The following FAM13A variants were observed in gnomAD, a reference collection of about 807,000 sequenced individuals.
The protein encoded by FAM13A is family with sequence similarity 13 member A.
Under a neutral mutation model 129.6 loss-of-function variants are expected in FAM13A, and 76 were observed. The observed-to-expected ratio is 0.59, with a 90% confidence interval of 0.49 to 0.71. The LOEUF is 0.71. Ranked by LOEUF, FAM13A falls within the 30% of genes least tolerant of loss-of-function variation. FAM13A has a pLI of 0.00. For missense variants in FAM13A, 1,108 were observed against 1,249.3 expected (o/e 0.89, Z 1.70); for synonymous variants, 443 against 449.9 (o/e 0.98, Z 0.20).
intron 4 of FAM13A, among the ~76,000 whole-genome samples, chr4:88,974,889 G>T (rs1760692062): frequency 6.6e-6 from 1 of 152,072 alleles, no homozygotes; most frequent in South Asian, 2.1e-4. Flanking sequence ...AGCACAGTTA[G>T]CATCTCTATT....
intron 1 of FAM13A, among the ~76,000 whole-genome samples, chr4:89,052,406 C>A (rs1771724854): frequency 6.7e-6 from 1 of 149,482 alleles, no homozygotes. Flanking sequence ...TGTGCTGCAC[C>A]CATTAACTCA....
intron 5 of FAM13A, among the ~76,000 whole-genome samples, chr4:88,918,475 A>G (rs770748246): frequency 2.0e-5 from 3 of 152,230 alleles, no homozygotes; most frequent in Non-Finnish European, 4.4e-5. Flanking sequence ...ATTTGAAGCC[A>G]GGCTATCTGT....
chr4:88,834,261 T>C (rs1053867424), intron 7 of FAM13A, among the ~76,000 whole-genome samples: 1 of 151,546 alleles, frequency 6.6e-6, no homozygotes, highest in Non-Finnish European at 1.5e-5. Context: ...CATCAAATAA[T>C]TGTTTGTATG....
intron 13 of FAM13A, among the ~76,000 whole-genome samples, chr4:88,762,855 T>C (rs1235133974): frequency 2.0e-5 from 3 of 152,194 alleles, no homozygotes; most frequent in Non-Finnish European, 4.4e-5. Context: ...TTTTGTTGTT[T>C]ACATGTCTAA....
At chr4:88,961,340 A>T (rs2148915237) in intron 4 of FAM13A, among the ~76,000 whole-genome samples, 1 of 126,758 alleles carries the variant, frequency 7.9e-6, no homozygotes, top group Admixed American at 8.3e-5. Context: ...AGCTTTGTGG[A>T]ATTTGCCTTT....
At chr4:88,914,352 C>T (rs1749735985) in intron 5 of FAM13A, among the ~76,000 whole-genome samples, 1 of 152,108 alleles carries the variant, frequency 6.6e-6, no homozygotes, top group Non-Finnish European at 1.5e-5. Context: ...AATCCAAATT[C>T]CTTACCATGA....
intron 7 of FAM13A, among the ~76,000 whole-genome samples, chr4:88,816,169 T>C (rs1303559707): frequency 1.3e-5 from 2 of 152,148 alleles, no homozygotes; most frequent in Non-Finnish European, 2.9e-5. Flanking sequence ...AGGAACTTCA[T>C]TTTCCTTAAA....
At chr4:88,750,385 G>A in intron 15 of FAM13A, 39 bp downstream of exon 15, 3 of 1,487,464 alleles carry the variant, frequency 2.0e-6, no homozygotes, top group Non-Finnish European at 2.8e-6. Context: ...ATGTTGTGGG[G>A]ATGATGCATT....
intron 1 of FAM13A, among the ~76,000 whole-genome samples, chr4:89,047,350 A>C (rs927297939): frequency 6.6e-6 from 1 of 152,110 alleles, no homozygotes; most frequent in Non-Finnish European, 1.5e-5. Context: ...TATACTCCAG[A>C]CACGTGTTAC....
intron 5 of FAM13A, among the ~76,000 whole-genome samples, chr4:88,934,735 AAG>A (rs893940397): frequency 2.6e-5 from 4 of 152,330 alleles, no homozygotes; most frequent in African/African-American, 7.2e-5. Context: ...AAACTAATGA[AAG>A]AGAGAAAAGA....
intron 11 of FAM13A, among the ~76,000 whole-genome samples, chr4:88,769,839 A>C (rs946337531): frequency 2.6e-5 from 4 of 151,932 alleles, no homozygotes; most frequent in Admixed American, 6.6e-5. Context: ...CAAAAAAAAA[A>C]CCAAAAAACA....
chr4:88,978,274 C>G lies in FAM13A; in HGVS notation c.605+12699G>C, dbSNP rs115316641. Among the ~76,000 whole-genome samples, 982 of 152,284 alleles carry G rather than the reference C, an allele frequency of 6.4e-3. 14 individuals are homozygous for G. Among genetic ancestry groups the G allele is most frequent in the African/African-American group, 0.023 (939 of 41,568 alleles). ...ATCCTAAATAATACTTTCTACACTTCAGTTTTTTAATCTTTAAAAGTCTGA... is the reference window on the plus strand; with the variant it reads ...ATCCTAAATAATACTTTCTACACTTGAGTTTTTTAATCTTTAAAAGTCTGA... On this transcript the variant is annotated intron_variant, in intron 4 of 23. Coordinates refer to ENST00000264344, the MANE Select transcript of FAM13A (RefSeq NM_014883.4).
chr4:89,026,750 T>C (rs1266498342), intron 2 of FAM13A, among the ~76,000 whole-genome samples: 1 of 152,170 alleles, frequency 6.6e-6, no homozygotes, highest in Non-Finnish European at 1.5e-5. Context: ...GTCTCTCCCT[T>C]GACACGTGGG....
At position 88,787,764 on chromosome 4, in the gene FAM13A, A is replaced by G; in HGVS notation, c.1260T>C (p.His420=). 6.2e-7 allele frequency: 1 copy of G among 1,613,108 alleles called. No individual in the cohort carries two copies. Among genetic ancestry groups the G allele is most frequent in the Non-Finnish European group, 8.5e-7 (1 of 1,179,510 alleles). ...RQSKEQDEVR[H]GRDKGLINKE... is the part of the protein sequence containing the mutation. ...CAATGCCAACTCACTTGTCTCTCCC[A>G]TGTCGAACTTCATCCTGCTCCTTGG... Residue 420 remains histidine, a synonymous_variant, in exon 10 of 24, where the codon CAT becomes CAC. Coordinates refer to ENST00000264344, the MANE Select transcript of FAM13A (RefSeq NM_014883.4).
intron 6 of FAM13A, among the ~76,000 whole-genome samples, chr4:88,852,299 T>G (rs945083073): frequency 6.6e-6 from 1 of 152,020 alleles, no homozygotes. Flanking sequence ...GTAGGTGGGA[T>G]TACAGGCATG....
At chr4:89,028,583 C>T (rs1768287352) in intron 2 of FAM13A, among the ~76,000 whole-genome samples, 1 of 151,880 alleles carries the variant, frequency 6.6e-6, no homozygotes, top group African/African-American at 2.4e-5. Flanking sequence ...CCCAGCTACT[C>T]GCGAGGCTAA....
chr4:88,889,680 G>A (rs570670174), intron 6 of FAM13A, among the ~76,000 whole-genome samples: 1 of 152,190 alleles, frequency 6.6e-6, no homozygotes, highest in East Asian at 1.9e-4. Context: ...TGGCGGTTAT[G>A]GACCTGTGAA....
At chr4:89,051,889 A>AC (rs1309517423) in intron 1 of FAM13A, among the ~76,000 whole-genome samples, 1 of 152,172 alleles carries the variant, frequency 6.6e-6, no homozygotes, top group Non-Finnish European at 1.5e-5. Flanking sequence ...GGCCACTGGG[A>AC]CCTGCCTCCA....
At chr4:89,034,719 T>C (rs1329975483) in intron 1 of FAM13A, among the ~76,000 whole-genome samples, 1 of 152,056 alleles carries the variant, frequency 6.6e-6, no homozygotes, top group Non-Finnish European at 1.5e-5. Context: ...CCATCTCTAC[T>C]AAAAATACAA....
Sources: gnomAD v4.1 joint callset for allele counts (sites outside exome capture counted in the v4.1 genomes callset) on GRCh38, gnomAD v4.1.1 for gene constraint, MANE v1.5 for transcripts, NCBI Gene and HGNC (gene_info 2026-07-23, HGNC 2026-07-21) for gene names.